Variants in KIRREL3 observed in about 807,000 individuals in gnomAD.
KIRREL3 encodes the protein kin of IRRE-like protein 3.
A neutral mutation model predicts 89.7 loss-of-function variants in KIRREL3; 36 were observed. The ratio of observed to expected loss-of-function variants is 0.40; its 90% CI spans 0.31 to 0.53. KIRREL3 has a LOEUF of 0.53. KIRREL3 is among the 20% of genes least tolerant of loss of function. The pLI is 0.49. For missense variants in KIRREL3, 864 were observed against 1,056.6 expected, an observed-to-expected ratio of 0.82 and a Z score of 2.53; for synonymous variants, 445 against 441.4, an observed-to-expected ratio of 1.01 and a Z score of -0.10.
chr11:126,711,946 C>G (rs1288596732), intron 1 of KIRREL3, among the ~76,000 whole-genome samples: 3 of 152,338 alleles, frequency 2.0e-5, no homozygotes, highest in Non-Finnish European at 4.4e-5. Context: ...AGAGCCGACA[C>G]TCCATTGGAA....
intron 1 of KIRREL3, among the ~76,000 whole-genome samples, chr11:126,822,795 T>C (rs960636275): frequency 1.3e-5 from 2 of 152,076 alleles, no homozygotes; most frequent in African/African-American, 4.8e-5. Context: ...CCAGTGTTGT[T>C]CTCTCTCCAC....
At chr11:126,451,468 ATGTGCATG>A (rs1956156481) in intron 7 of KIRREL3, among the ~76,000 whole-genome samples, 1 of 107,288 alleles carries the variant, frequency 9.3e-6, no homozygotes, top group Non-Finnish European at 1.9e-5. Context: ...ATGTGTGGGC[ATGTGCATG>A]TGTGTGTGCG....
chr11:126,894,085 C>T (rs933053920), intron 1 of KIRREL3, among the ~76,000 whole-genome samples: 4 of 152,222 alleles, frequency 2.6e-5, no homozygotes, highest in African/African-American at 4.8e-5. Context: ...ACTGTTGACA[C>T]GTCCACCTCG....
Position 126,783,111 on chromosome 11 carries a change from G to A in KIRREL3, c.55+217344C>T, listed in dbSNP as rs919358521. 2.0e-5 allele frequency among the ~76,000 whole-genome samples: 3 copies of A among 152,138 alleles called. No individual in the cohort carries two copies. The highest frequency in any genetic ancestry group is 4.4e-5 in the Non-Finnish European group (3 of 68,032). On this transcript the variant is annotated intron_variant, in intron 1 of 16. Coordinates refer to ENST00000525144, the MANE Select transcript of KIRREL3 (RefSeq NM_032531.4). This position sits in a 1 kb window ranked among gnomAD's most constrained non-coding sequence, Gnocchi z 4.3. ...CAGAAATTTATTCTCTCACAGTTCC[G>A]GAGAATGCACGTTTAAAAATTAAGG...
In KIRREL3 at chr11:126,708,057, G is replaced by C. The variant is rs1407858607; in HGVS notation, c.56-145145C>G. ...TCCCCTCCGCATCCCTGAAGCAGGTGATGATCTCCATAGGTCCCAGGGTAT... is the reference window on the plus strand; with the variant it reads ...TCCCCTCCGCATCCCTGAAGCAGGTCATGATCTCCATAGGTCCCAGGGTAT... On this transcript the variant is annotated intron_variant, in intron 1 of 16. Coordinates refer to ENST00000525144, the MANE Select transcript of KIRREL3 (RefSeq NM_032531.4). The surrounding 1 kb of genome is among the most constrained non-coding windows in gnomAD (Gnocchi z 5.7). 6.6e-6 allele frequency among the ~76,000 whole-genome samples: 1 copy of C among 152,166 alleles called. No homozygotes were observed. The highest frequency in any genetic ancestry group is 1.5e-5 in the Non-Finnish European group (1 of 68,042).
In KIRREL3 at chr11:126,682,948, G is replaced by A. The variant is rs551270853; in HGVS notation, c.56-120036C>T. ...TGCCATTAAATTACTATGACCTCCT[G>A]GGCTCAAGCAATCCTCGCACCTCAG... On this transcript the variant is annotated intron_variant, in intron 1 of 16. Transcript: ENST00000525144. The surrounding 1 kb of genome is among the most constrained non-coding windows in gnomAD (Gnocchi z 4.8). Among the ~76,000 whole-genome samples, 4 of 152,182 alleles carry A rather than the reference G, an allele frequency of 2.6e-5. No homozygotes were observed. The East Asian group carries it at 7.7e-4, about 29-fold the overall frequency.
chr11:126,463,438 A>T lies in KIRREL3; in HGVS notation c.592-131T>A. On this transcript the variant is annotated intron_variant, in intron 5 of 16. Coordinates refer to ENST00000525144, the MANE Select transcript of KIRREL3 (RefSeq NM_032531.4). The surrounding 1 kb of genome is among the most constrained non-coding windows in gnomAD (Gnocchi z 5.9). Reference sequence around the variant, plus strand: ...TGGATGGAGGGGTTCAGCTTAGGAGACCTGGGCTGCCCATGTCTACGCAGA... The same window carrying T: ...TGGATGGAGGGGTTCAGCTTAGGAGTCCTGGGCTGCCCATGTCTACGCAGA... 1.1e-6 allele frequency: 1 copy of T among 910,784 alleles called. No individual in the cohort carries two copies. The highest frequency in any genetic ancestry group is 1.6e-6 in the Non-Finnish European group (1 of 613,578). The allele number at this position is 910,784 out of a possible 1,614,324, so 56.4% of individuals were successfully genotyped here.
At chr11:126,497,654 T>G (rs1481396362) in intron 4 of KIRREL3, among the ~76,000 whole-genome samples, 1 of 152,256 alleles carries the variant, frequency 6.6e-6, no homozygotes, top group Non-Finnish European at 1.5e-5. Context: ...CACAGCGGGC[T>G]CTCAGCCTTC....
chr11:126,446,748 T>A lies in KIRREL3; in HGVS notation c.1125+11A>T, dbSNP rs536868402. ...GCCAGAGGTGCCCCGAGGTCTGAGC[T>A]GCAGCCTCACCACTCCGGAGCCCCG... On this transcript the variant is annotated intron_variant, in intron 9 of 16. Coordinates refer to ENST00000525144, the MANE Select transcript of KIRREL3 (RefSeq NM_032531.4). 18 of 1,596,058 alleles carry A rather than the reference T, an allele frequency of 1.1e-5. No homozygotes were observed. In the African/African-American group the frequency reaches 2.0e-4, roughly 18 times the overall value.
At chr11:126,625,969 C>T (rs928324685) in intron 1 of KIRREL3, among the ~76,000 whole-genome samples, 5 of 152,158 alleles carry the variant, frequency 3.3e-5, no homozygotes, top group Admixed American at 6.5e-5. Context: ...TGGATTTCTG[C>T]GGTTGGGGGC....
At chr11:126,846,701 C>A (rs554211429) in intron 1 of KIRREL3, among the ~76,000 whole-genome samples, 2 of 151,986 alleles carry the variant, frequency 1.3e-5, no homozygotes, top group Admixed American at 1.3e-4. Flanking sequence ...AAATTTCACA[C>A]GCAAGGTGTA....
intron 1 of KIRREL3, among the ~76,000 whole-genome samples, chr11:126,840,735 GCTATTTGCC>G (rs988579697): frequency 3.3e-5 from 5 of 152,198 alleles, no homozygotes; most frequent in African/African-American, 1.2e-4. Flanking sequence ...GGCTGTCTAT[GCTATTTGCC>G]TGTAAGTCAC....
chr11:126,521,477 C>A lies in KIRREL3; in HGVS notation c.284-13G>T, dbSNP rs1260548299. 6.3e-7 allele frequency: 1 copy of A among 1,575,576 alleles called. No homozygotes were observed. The highest frequency in any genetic ancestry group is 1.3e-5 in the African/African-American group (1 of 74,208). On this transcript the variant is annotated splice_polypyrimidine_tract_variant and intron_variant, in intron 3 of 16. Coordinates refer to ENST00000525144, the MANE Select transcript of KIRREL3 (RefSeq NM_032531.4). This position sits in a 1 kb window ranked among gnomAD's most constrained non-coding sequence, Gnocchi z 4.1. ...TACTGTGGGTAACCTGTGGAGACAA[C>A]AGGCAGGTCAGGGAGCTGGGGTGGG...
chr11:126,776,893 C>T lies in KIRREL3; in HGVS notation c.56-213981G>A, dbSNP rs1444263062. Among the ~76,000 whole-genome samples, 1 of 152,204 alleles carries T rather than the reference C, an allele frequency of 6.6e-6. No individual in the cohort carries two copies. Among genetic ancestry groups the T allele is most frequent in the African/African-American group, 2.4e-5 (1 of 41,454 alleles). On this transcript the variant is annotated intron_variant, in intron 1 of 16. Coordinates refer to ENST00000525144, the MANE Select transcript of KIRREL3 (RefSeq NM_032531.4). The surrounding 1 kb of genome is among the most constrained non-coding windows in gnomAD (Gnocchi z 4.7). ...GGTAGTCCAAATGGAGTGCAGGAGA[C>T]CGGTGCCCATGGGAAGCCTCCAAAA...
intron 13 of KIRREL3, among the ~76,000 whole-genome samples, chr11:126,434,861 T>C (rs1353849083): frequency 6.6e-6 from 1 of 151,870 alleles, no homozygotes. Flanking sequence ...TGGGAAGCAG[T>C]GGCCAAGCTG....
At chr11:126,932,053 T>G (rs1292606899) in intron 1 of KIRREL3, among the ~76,000 whole-genome samples, 3 of 152,228 alleles carry the variant, frequency 2.0e-5, no homozygotes, top group Admixed American at 6.5e-5. Context: ...GACAATGATT[T>G]GAGTCCATTT....
rs939700494 is a variant in KIRREL3 at position 126,643,148 on chromosome 11, T to C, written c.56-80236A>G. Among the ~76,000 whole-genome samples, 1 of 152,186 alleles carries C rather than the reference T, an allele frequency of 6.6e-6. No individual in the cohort carries two copies. ...TAATTCTGTAATATTGGGCAGAAAA[T>C]GTAAACAAGCATAGCTTCAATTTTC... On this transcript the variant is annotated intron_variant, in intron 1 of 16. Transcript: ENST00000525144. The surrounding 1 kb of genome is among the most constrained non-coding windows in gnomAD (Gnocchi z 4.5).
At chr11:126,799,075 CGT>C (rs1019033266) in intron 1 of KIRREL3, among the ~76,000 whole-genome samples, 2 of 143,356 alleles carry the variant, frequency 1.4e-5, no homozygotes, top group East Asian at 2.1e-4. Context: ...TGCACGTATT[CGT>C]GTGTGTGCAT....
chr11:126,500,774 G>T (rs1957832101), intron 4 of KIRREL3, among the ~76,000 whole-genome samples: 1 of 151,168 alleles, frequency 6.6e-6, no homozygotes. Context: ...AAGAAAAACA[G>T]TATATATTTT....
Sources: gnomAD v4.1 joint callset for allele counts (sites outside exome capture counted in the v4.1 genomes callset) on GRCh38, gnomAD v4.1.1 for gene constraint, Gnocchi (gnomAD v3.1) non-coding constraint, MANE v1.5 for transcripts, NCBI Gene and HGNC (gene_info 2026-07-23, HGNC 2026-07-21) for gene names.